ELMO1: variants seen among roughly 807,000 people sequenced by gnomAD.
ELMO1 encodes engulfment and cell motility protein 1.
In ELMO1, 26 loss-of-function variants were observed where a neutral mutation model predicts 98.9. That is an observed-to-expected ratio of 0.26 (90% CI 0.19 to 0.36). The LOEUF (loss-of-function observed/expected upper bound fraction) is 0.36. Ranked by LOEUF, ELMO1 falls within the 10% of genes least tolerant of loss-of-function variation. The probability of loss-of-function intolerance (pLI) is 1.00; values close to 1 mark genes in which losing one functional copy is unlikely to be tolerated. For synonymous variants in ELMO1, 346 were observed against 346.0 expected, an observed-to-expected ratio of 1.00 and a Z score of 0.00; for missense variants, 627 against 935.2, an observed-to-expected ratio of 0.67 and a Z score of 4.30.
intron 16 of ELMO1, among the ~76,000 whole-genome samples, chr7:36,973,732 G>T (rs1305197752): frequency 6.6e-6 from 1 of 152,226 alleles, no homozygotes; most frequent in African/African-American, 2.4e-5. Flanking sequence ...TCGGCTTGCA[G>T]GGAGGTGTGG....
chr7:36,964,090 T>C (rs373141853), intron 16 of ELMO1, among the ~76,000 whole-genome samples: 2 of 152,224 alleles, frequency 1.3e-5, no homozygotes, highest in East Asian at 1.9e-4. Context: ...TTATGTCTGA[T>C]TAAGGCTTGC....
intron 1 of ELMO1, among the ~76,000 whole-genome samples, chr7:37,371,892 A>G (rs1243651444): frequency 1.3e-5 from 2 of 152,212 alleles, no homozygotes; most frequent in African/African-American, 4.8e-5. Flanking sequence ...TGGCAGCTCC[A>G]GGGAGAGATG....
chr7:37,379,284 C>A (rs891191100), intron 1 of ELMO1, among the ~76,000 whole-genome samples: 4 of 152,266 alleles, frequency 2.6e-5, no homozygotes, highest in Non-Finnish European at 5.9e-5. Flanking sequence ...TCGTGATCCA[C>A]CCACCTCGGC....
At chr7:37,144,425 C>T (rs1195720129) in intron 13 of ELMO1, among the ~76,000 whole-genome samples, 2 of 152,274 alleles carry the variant, frequency 1.3e-5, no homozygotes, top group Non-Finnish European at 2.9e-5. Flanking sequence ...GAGAGCCCAG[C>T]AAGCCCAGCA....
At chr7:36,886,532 G>C (rs1805025896) in intron 18 of ELMO1, among the ~76,000 whole-genome samples, 1 of 152,168 alleles carries the variant, frequency 6.6e-6, no homozygotes, top group South Asian at 2.1e-4. Context: ...AGTTTCTCCT[G>C]GGCCATAACT....
At position 36,857,902 on chromosome 7, in the gene ELMO1, A is replaced by T. The variant is rs1346121055; in HGVS notation, c.1984-2151T>A. Among the ~76,000 whole-genome samples, 3 of 152,184 alleles carry T rather than the reference A, an allele frequency of 2.0e-5. No homozygotes were observed. The East Asian group carries it at 5.8e-4, about 29-fold the overall frequency. On this transcript the variant is annotated intron_variant, in intron 21 of 21. Transcript: ENST00000310758. The stretch of plus-strand genomic sequence containing the variant: ...ACCTGGAACACTCCATCATACCAGA[A>T]TGCCAGAAAGTTATCAAAGACGTAA...
chr7:37,285,995 C>T (rs1797374977), intron 4 of ELMO1, among the ~76,000 whole-genome samples: 1 of 141,932 alleles, frequency 7.0e-6, no homozygotes, highest in Non-Finnish European at 1.5e-5. Flanking sequence ...GCTACAGAGA[C>T]AAGAAAAAAG....
At chr7:36,918,559 T>C (rs891478676) in intron 16 of ELMO1, among the ~76,000 whole-genome samples, 3 of 152,040 alleles carry the variant, frequency 2.0e-5, no homozygotes, top group Admixed American at 2.0e-4. Context: ...CCAGTGACAA[T>C]GTGTATCATC....
At chr7:36,959,553 T>C (rs567538300) in intron 16 of ELMO1, among the ~76,000 whole-genome samples, 1 of 152,310 alleles carries the variant, frequency 6.6e-6, no homozygotes, top group African/African-American at 2.4e-5. Context: ...CTCACCCCTC[T>C]GCCTCTTCCT....
At chr7:37,426,133 T>G (rs1194699436) in intron 1 of ELMO1, among the ~76,000 whole-genome samples, 1 of 146,596 alleles carries the variant, frequency 6.8e-6, no homozygotes, top group East Asian at 2.0e-4. Flanking sequence ...TCTCCCTCTT[T>G]TTTTCTTTCT....
chr7:37,025,491 TGAA>T (rs1794513806), intron 15 of ELMO1, among the ~76,000 whole-genome samples: 1 of 152,180 alleles, frequency 6.6e-6, no homozygotes, highest in Non-Finnish European at 1.5e-5. Context: ...GTGGACTCAA[TGAA>T]GTAGATAGCT....
At chr7:37,203,956 G>C (rs1011196903) in intron 13 of ELMO1, among the ~76,000 whole-genome samples, 1 of 152,192 alleles carries the variant, frequency 6.6e-6, no homozygotes, top group South Asian at 2.1e-4. Flanking sequence ...GATTGTTAGA[G>C]AGCCCTTTCC....
intron 15 of ELMO1, among the ~76,000 whole-genome samples, chr7:37,041,020 C>T (rs1290913504): frequency 1.3e-5 from 2 of 152,010 alleles, no homozygotes; most frequent in Non-Finnish European, 2.9e-5. Context: ...GCAGAGGTTG[C>T]GGTGAGCCGA....
intron 14 of ELMO1, among the ~76,000 whole-genome samples, chr7:37,098,137 C>T: frequency 1.3e-5 from 2 of 152,226 alleles, no homozygotes; most frequent in East Asian, 3.9e-4. Context: ...GATCATCTCT[C>T]AGTAGCATCT....
intron 1 of ELMO1, among the ~76,000 whole-genome samples, chr7:37,397,683 AC>A (rs1348586564): frequency 1.3e-5 from 2 of 152,266 alleles, no homozygotes; most frequent in African/African-American, 4.8e-5. Flanking sequence ...TCATTCTATT[AC>A]AAAAATACAT....
At chr7:37,408,469 T>C (rs1803866690) in intron 1 of ELMO1, among the ~76,000 whole-genome samples, 1 of 152,212 alleles carries the variant, frequency 6.6e-6, no homozygotes, top group Admixed American at 6.5e-5. Context: ...CTGTGTACAC[T>C]GCAGCGTTAG....
chr7:37,049,140 G>A (rs761192640), intron 15 of ELMO1, among the ~76,000 whole-genome samples: 1 of 152,156 alleles, frequency 6.6e-6, no homozygotes, highest in Non-Finnish European at 1.5e-5. Flanking sequence ...GTTAATGTTT[G>A]TCTTGTTAAG....
intron 16 of ELMO1, among the ~76,000 whole-genome samples, chr7:37,007,293 A>C (rs1793206934): frequency 6.6e-6 from 1 of 152,186 alleles, no homozygotes; most frequent in South Asian, 2.1e-4. Context: ...TTCATGTTTC[A>C]ATTAAAACAT....
chr7:37,370,697 A>AC (rs972139152), intron 1 of ELMO1, among the ~76,000 whole-genome samples: 14 of 151,920 alleles, frequency 9.2e-5, no homozygotes, highest in Non-Finnish European at 1.6e-4. Flanking sequence ...GAATGCAGAG[A>AC]CCCCCCGCCA....
Sources: gnomAD v4.1 joint callset for allele counts (sites outside exome capture counted in the v4.1 genomes callset) on GRCh38, gnomAD v4.1.1 for gene constraint, MANE v1.5 for transcripts, NCBI Gene and HGNC (gene_info 2026-07-23, HGNC 2026-07-21) for gene names.